Variants in PARD3B observed in about 807,000 individuals in gnomAD.
The protein encoded by PARD3B is par-3 family cell polarity regulator beta.
Under a neutral mutation model 130.2 loss-of-function variants are expected in PARD3B, and 103 were observed. That is an observed-to-expected ratio of 0.79 (90% CI 0.67 to 0.93). The LOEUF (loss-of-function observed/expected upper bound fraction) is 0.93, where lower values mean the gene tolerates loss of function less well. Among genes scored for constraint, PARD3B ranks in the 40% least tolerant of loss-of-function variants. PARD3B has a pLI of 0.00. For synonymous variants in PARD3B, 583 were observed against 553.2 expected, an observed-to-expected ratio of 1.05 and a Z score of -0.76; for missense variants, 1,609 against 1,499.2, an observed-to-expected ratio of 1.07 and a Z score of -1.21.
intron 15 of PARD3B, among the ~76,000 whole-genome samples, chr2:205,214,435 T>C (rs1200156394): frequency 6.6e-6 from 1 of 151,856 alleles, no homozygotes; most frequent in Non-Finnish European, 1.5e-5. Flanking sequence ...AGAGATTTTG[T>C]TCACCTTGGG....
intron 2 of PARD3B, among the ~76,000 whole-genome samples, chr2:204,836,548 A>C (rs1162457813): frequency 1.3e-5 from 2 of 152,150 alleles, no homozygotes; most frequent in Non-Finnish European, 2.9e-5. Context: ...CTGTAATCCC[A>C]GCTATTCAGG....
At chr2:205,495,420 T>G (rs2049888288) in intron 20 of PARD3B, among the ~76,000 whole-genome samples, 2 of 152,314 alleles carry the variant, frequency 1.3e-5, no homozygotes, top group African/African-American at 4.8e-5. Flanking sequence ...GGGCTTTACT[T>G]CATTCAGTGA....
At chr2:204,925,198 A>G (rs1277541960) in intron 2 of PARD3B, among the ~76,000 whole-genome samples, 2 of 152,106 alleles carry the variant, frequency 1.3e-5, no homozygotes, top group African/African-American at 4.8e-5. Context: ...CTGGGAAGAA[A>G]TAAGCATGGA....
At chr2:205,312,203 C>G (rs1444371357) in intron 18 of PARD3B, among the ~76,000 whole-genome samples, 2 of 152,134 alleles carry the variant, frequency 1.3e-5, no homozygotes, top group Non-Finnish European at 2.9e-5. Context: ...CCTGGGTATC[C>G]CTTCAACTTT....
At chr2:204,988,598 C>G (rs1693381557) in intron 3 of PARD3B, among the ~76,000 whole-genome samples, 1 of 151,802 alleles carries the variant, frequency 6.6e-6, no homozygotes, top group Non-Finnish European at 1.5e-5. Context: ...CTCATGTACT[C>G]CATAAATATA....
At chr2:205,219,084 A>G (rs1234035014) in intron 15 of PARD3B, among the ~76,000 whole-genome samples, 1 of 152,124 alleles carries the variant, frequency 6.6e-6, no homozygotes, top group East Asian at 1.9e-4. Flanking sequence ...TGTTTAAAAA[A>G]AAAAAAAAAT....
At chr2:204,925,942 C>T (rs1355912257) in intron 2 of PARD3B, among the ~76,000 whole-genome samples, 1 of 152,084 alleles carries the variant, frequency 6.6e-6, no homozygotes, top group Non-Finnish European at 1.5e-5. Context: ...TTCTTTCCTG[C>T]CTCCATATTC....
intron 2 of PARD3B, among the ~76,000 whole-genome samples, chr2:204,954,612 G>C (rs967295538): frequency 1.3e-5 from 2 of 152,140 alleles, no homozygotes; most frequent in African/African-American, 4.8e-5. Flanking sequence ...GGCCTTGGGG[G>C]ATCTCTGGCC....
chr2:205,069,409 G>T (rs1013292522), intron 4 of PARD3B, among the ~76,000 whole-genome samples: 1 of 151,838 alleles, frequency 6.6e-6, no homozygotes, highest in African/African-American at 2.4e-5. Flanking sequence ...TATTTAAATA[G>T]ATTAGTCTAA....
intron 2 of PARD3B, among the ~76,000 whole-genome samples, chr2:204,909,879 A>C (rs906757461): frequency 6.6e-6 from 1 of 152,176 alleles, no homozygotes; most frequent in African/African-American, 2.4e-5. Context: ...ATTTTTTCGA[A>C]CTATTTTTCT....
At chr2:205,060,748 A>T (rs1245614536) in intron 4 of PARD3B, among the ~76,000 whole-genome samples, 2 of 152,192 alleles carry the variant, frequency 1.3e-5, no homozygotes, top group Non-Finnish European at 2.9e-5. Flanking sequence ...ATATAATTAA[A>T]GGGAAATGAT....
At chr2:204,793,566 G>A (rs1430589192) in intron 2 of PARD3B, among the ~76,000 whole-genome samples, 1 of 152,012 alleles carries the variant, frequency 6.6e-6, no homozygotes, top group African/African-American at 2.4e-5. Flanking sequence ...GGAGTGCAAT[G>A]GCGTGACCTC....
At chr2:204,803,601 G>A (rs1049894202) in intron 2 of PARD3B, among the ~76,000 whole-genome samples, 1 of 152,126 alleles carries the variant, frequency 6.6e-6, no homozygotes, top group African/African-American at 2.4e-5. Flanking sequence ...TTTCTTCTTT[G>A]CTTGTTAGTC....
At chr2:205,319,095 A>G (rs1465079875) in intron 18 of PARD3B, among the ~76,000 whole-genome samples, 2 of 152,212 alleles carry the variant, frequency 1.3e-5, no homozygotes, top group Non-Finnish European at 2.9e-5. Context: ...ACACAGAGAC[A>G]GATTGATTTT....
chr2:205,000,642 T>C (rs1307024877), intron 3 of PARD3B, among the ~76,000 whole-genome samples: 1 of 152,208 alleles, frequency 6.6e-6, no homozygotes, highest in Non-Finnish European at 1.5e-5. Context: ...ATTTGAGAAA[T>C]GTTGATCTTT....
At chr2:205,056,927 A>G (rs956034181) in intron 4 of PARD3B, among the ~76,000 whole-genome samples, 8 of 141,922 alleles carry the variant, frequency 5.6e-5, no homozygotes, top group Non-Finnish European at 1.3e-4. Context: ...ATATATATAT[A>G]TATATATTTG....
intron 2 of PARD3B, among the ~76,000 whole-genome samples, chr2:204,738,716 T>A (rs2039865340): frequency 6.6e-6 from 1 of 152,164 alleles, no homozygotes. Context: ...TTCTGGCTGT[T>A]CATTATGGTC....
chr2:204,885,949 G>A (rs980580130), intron 2 of PARD3B, among the ~76,000 whole-genome samples: 1 of 152,126 alleles, frequency 6.6e-6, no homozygotes, highest in Admixed American at 6.5e-5. Flanking sequence ...TCACCACAAG[G>A]TGGGCCACTT....
At chr2:205,212,495 A>G (rs568137963) in intron 15 of PARD3B, among the ~76,000 whole-genome samples, 2 of 152,252 alleles carry the variant, frequency 1.3e-5, no homozygotes, top group African/African-American at 4.8e-5. Flanking sequence ...TGCAACAGCC[A>G]GAGTAGGGTG....
Sources: gnomAD v4.1 joint callset for allele counts (sites outside exome capture counted in the v4.1 genomes callset) on GRCh38, gnomAD v4.1.1 for gene constraint, MANE v1.5 for transcripts, NCBI Gene and HGNC (gene_info 2026-07-23, HGNC 2026-07-21) for gene names.